The following MYO1H variants were observed in gnomAD, a reference collection of about 807,000 sequenced individuals.
MYO1H encodes the protein myosin IH.
In MYO1H, 118 loss-of-function variants were observed where a neutral mutation model predicts 149.3. That is an observed-to-expected ratio of 0.79 (90% CI 0.68 to 0.92). The LOEUF is 0.92. Among genes scored for constraint, MYO1H ranks in the 40% least tolerant of loss-of-function variants. The pLI is 0.00. For synonymous variants in MYO1H, 447 were observed against 465.2 expected (o/e 0.96, Z 0.50); for missense variants, 1,212 against 1,280.7 (o/e 0.95, Z 0.82).
chr12:109,351,483 T>C (rs1364028186), intron 1 of MYO1H, among the ~76,000 whole-genome samples: 1 of 152,252 alleles, frequency 6.6e-6, no homozygotes, highest in African/African-American at 2.4e-5. Context: ...TATTGGTATC[T>C]GTTTAAAAGC....
intron 1 of MYO1H, among the ~76,000 whole-genome samples, chr12:109,381,603 G>A (rs143989736): frequency 0.059 from 8,974 of 151,952 alleles, 873 homozygotes; most frequent in African/African-American, 0.21. Context: ...TCAGGAGTTC[G>A]AGACCAGCCT....
At chr12:109,415,133 TCA>T (rs1458976609) in intron 14 of MYO1H, among the ~76,000 whole-genome samples, 3 of 152,180 alleles carry the variant, frequency 2.0e-5, no homozygotes, top group Non-Finnish European at 2.9e-5. Flanking sequence ...CGTCTCTCTC[TCA>T]CTCTTTGCTT....
rs763553313 is a variant in MYO1H at position 109,444,222 on chromosome 12, C to A, written c.2834C>A (p.Thr945Asn). The A allele has an allele frequency of 7.4e-6, 12 of 1,613,556 alleles. No individual in the cohort carries two copies. The South Asian group carries it at 1.3e-4, about 18-fold the overall frequency. ...CTGGATCTGTCTTAAGGTGTCTCCA[C>A]TAGCAATCTGAGTGATGGAATCTTA... is the stretch of plus-strand genomic sequence containing the variant. The change falls in exon 29 of 32, where the codon ACT becomes AAT. Residue 945 changes from threonine to asparagine, a missense_variant. Thr to Asn is a moderately conservative substitution (Grantham distance 65). Coordinates refer to ENST00000310903, the Ensembl canonical transcript of MYO1H.
At chr12:109,444,502 A>T in exon 30 of MYO1H, 1 of 1,613,952 alleles carries the variant, frequency 6.2e-7, no homozygotes, top group Non-Finnish European at 8.5e-7. Flanking sequence ...GTTAAGAAGG[A>T]GAACATTGTC....
At chr12:109,328,663 A>T in the MYO1H span, among the ~76,000 whole-genome samples, 2 of 151,804 alleles carry the variant, frequency 1.3e-5, no homozygotes, top group Admixed American at 1.3e-4. Context: ...TAAAAAGAAC[A>T]TCTCTAAAAA....
rs116863594 is a variant in MYO1H at position 109,348,650 on chromosome 12, A to G, written c.12+678A>G. ...TAAAGCTCTCCTGGGAAGATGGAAGACAGAACTTGAGTGTCAAACCTATTG... is the reference window on the plus strand; with the variant it reads ...TAAAGCTCTCCTGGGAAGATGGAAGGCAGAACTTGAGTGTCAAACCTATTG... On this transcript the variant is annotated intron_variant, in intron 1 of 31. Coordinates refer to ENST00000310903, the Ensembl canonical transcript of MYO1H. 5.8e-4 allele frequency among the ~76,000 whole-genome samples: 89 copies of G among 152,342 alleles called. 1 individual carries two copies. The East Asian group carries it at 0.016, about 27-fold the overall frequency.
rs761781333 is a variant in MYO1H at position 109,436,515 on chromosome 12, G to A, written c.2168G>A (p.Arg723His). The A allele has an allele frequency of 8.7e-6, 14 of 1,611,110 alleles. No individual in the cohort carries two copies. The highest frequency in any genetic ancestry group is 3.4e-5 in the Admixed American group (2 of 59,700). Residue 723 changes from arginine (R) to histidine (H), a missense_variant, in exon 22 of 32, where the codon CGC becomes CAC. Transcript: ENST00000310903. Reference sequence around the variant, plus strand: ...GCAAGAATCCAAGCCACTTACAAACGCTGCCTAGGAAGGAGAGAATACGTG... The same window carrying A: ...GCAAGAATCCAAGCCACTTACAAACACTGCCTAGGAAGGAGAGAATACGTG...
At chr12:109,310,976 A>T in the MYO1H span, among the ~76,000 whole-genome samples, 1 of 152,230 alleles carries the variant, frequency 6.6e-6, no homozygotes, top group African/African-American at 2.4e-5. Context: ...TCCCTGAATG[A>T]CATATAATTA....
At chr12:109,415,770 T>G in intron 15 of MYO1H, 150 bp downstream of exon 15, 1 of 482,020 alleles carries the variant, frequency 2.1e-6, no homozygotes. Flanking sequence ...TCTTTCTAAT[T>G]GTATTTATTA....
At chr12:109,312,396 GTTTTGTTTTGT>G in the MYO1H span, among the ~76,000 whole-genome samples, 1 of 151,722 alleles carries the variant, frequency 6.6e-6, no homozygotes, top group African/African-American at 2.4e-5. Context: ...GTTTTGTTTT[GTTTTGTTTTGT>G]TTTGTTTTAA....
chr12:109,401,282 A>T lies in MYO1H; in HGVS notation c.750+10A>T, dbSNP rs1870149249. 2 of 1,602,600 alleles carry T rather than the reference A, an allele frequency of 1.2e-6. No homozygotes were observed. The highest frequency in any genetic ancestry group is 1.7e-6 in the Non-Finnish European group (2 of 1,173,446). ...TAAATACCTCTCACAGGTGGGAAGG[A>T]CCAGCACCTGGCTTTGGTGACTCTT... On this transcript the variant is annotated intron_variant, in intron 6 of 31. Transcript: ENST00000310903.
the MYO1H span, among the ~76,000 whole-genome samples, chr12:109,325,450 C>T: frequency 1.3e-5 from 2 of 152,168 alleles, no homozygotes; most frequent in African/African-American, 4.8e-5. Flanking sequence ...TGATTAAAGA[C>T]TTAAGTGTAA....
At chr12:109,371,579 T>C (rs1041892877) in intron 1 of MYO1H, among the ~76,000 whole-genome samples, 3 of 152,250 alleles carry the variant, frequency 2.0e-5, no homozygotes, top group Non-Finnish European at 2.9e-5. Context: ...TGGTCTTTCA[T>C]TGGATGCATG....
the MYO1H span, among the ~76,000 whole-genome samples, chr12:109,312,808 T>TGA: frequency 6.7e-6 from 1 of 150,200 alleles, no homozygotes; most frequent in Non-Finnish European, 1.5e-5. Context: ...TTTTTTTAAC[T>TGA]TGAACCATTA....
At chr12:109,447,375 C>T (rs1872529678) in exon 32 of MYO1H, 1 of 624,584 alleles carries the variant, frequency 1.6e-6, no homozygotes, top group African/African-American at 1.8e-5. Flanking sequence ...CCCATGGCAC[C>T]TTATTTAAAA....
Position 109,440,816 on chromosome 12 carries a change from C to T in MYO1H, c.2527C>T (p.Arg843Trp), listed in dbSNP as rs373069087. The T allele has an allele frequency of 5.3e-5, 82 of 1,546,862 alleles. No homozygotes were observed. Among genetic ancestry groups the T allele is most frequent in the Non-Finnish European group, 6.9e-5 (79 of 1,143,310 alleles). Residue 843 changes from arginine (R) to tryptophan (W), a missense_variant, in exon 25 of 32, where the codon CGG becomes TGG. Arg to Trp is a moderately radical substitution (Grantham distance 101). Coordinates refer to ENST00000310903, the Ensembl canonical transcript of MYO1H. ...GTACTGCCGCGGGATCACAGCTGAG[C>T]GGAAAGCAATGGTAGGGACATGATG...
chr12:109,362,123 G>C (rs999740786), intron 1 of MYO1H, among the ~76,000 whole-genome samples: 1 of 152,300 alleles, frequency 6.6e-6, no homozygotes, highest in African/African-American at 2.4e-5. Flanking sequence ...CCACCCAAAG[G>C]CTTAGTAATT....
the MYO1H span, among the ~76,000 whole-genome samples, chr12:109,314,359 A>G: frequency 2.0e-5 from 3 of 152,148 alleles, no homozygotes; most frequent in Non-Finnish European, 4.4e-5. Context: ...ATCATCAAAG[A>G]CATAACAAAT....
chr12:109,332,016 A>G, the MYO1H span, among the ~76,000 whole-genome samples: 2 of 152,030 alleles, frequency 1.3e-5, no homozygotes, highest in Non-Finnish European at 2.9e-5. Flanking sequence ...ATGTTATAAC[A>G]CAATCTATCT....
Sources: gnomAD v4.1 joint callset for allele counts (sites outside exome capture counted in the v4.1 genomes callset) on GRCh38, gnomAD v4.1.1 for gene constraint, MANE v1.5 for transcripts, NCBI Gene and HGNC (gene_info 2026-07-23, HGNC 2026-07-21) for gene names.